The following SCYL2 variants were observed in gnomAD, a reference collection of about 807,000 sequenced individuals.
SCYL2 encodes the protein SCY1 like pseudokinase 2, also known as SCY1-like protein 2.
SCYL2 carries 36 observed loss-of-function variants against 100.4 expected under a neutral mutation model. That is an observed-to-expected ratio of 0.36 (90% confidence interval 0.27 to 0.47). The LOEUF (loss-of-function observed/expected upper bound fraction) is 0.47. Ranked by LOEUF, SCYL2 falls within the 20% of genes least tolerant of loss-of-function variation. The pLI is 1.00. For missense variants in SCYL2, 902 were observed against 1,083.9 expected, an observed-to-expected ratio of 0.83 and a Z score of 2.36; for synonymous variants, 330 against 359.2, an observed-to-expected ratio of 0.92 and a Z score of 0.92.
chr12:100,293,726 G>A (rs1424793387), intron 3 of SCYL2, among the ~76,000 whole-genome samples: 1 of 151,926 alleles, frequency 6.6e-6, no homozygotes, highest in African/African-American at 2.4e-5. Flanking sequence ...GAGTGGTGAC[G>A]ACTCTTAACG....
Position 100,312,590 on chromosome 12 carries a change from G to A in SCYL2, c.789G>A (p.Gly263=), listed in dbSNP as rs369802443. 107 of 1,612,338 alleles carry A rather than the reference G, an allele frequency of 6.6e-5. No individual in the cohort carries two copies. Among genetic ancestry groups the A allele is most frequent in the Admixed American group, 2.0e-4 (12 of 59,952 alleles). The change falls in exon 6 of 18, where the codon GGG becomes GGA. Residue 263 remains glycine, a synonymous_variant. Coordinates refer to ENST00000360820, the MANE Select transcript of SCYL2 (RefSeq NM_017988.6). ...GTVMYAVFNK[G]KPIFEVNKQD... is the part of the protein sequence containing the mutation. The stretch of plus-strand genomic sequence containing the variant: ...TTATGTATGCTGTATTTAATAAAGG[G>A]AAACCTATATTTGAAGTCAACAAGC...
chr12:100,326,758 G>C lies in SCYL2; in HGVS notation c.1642+4G>C. The C allele has an allele frequency of 5.6e-6, 9 of 1,602,438 alleles. No homozygotes were observed. The highest frequency in any genetic ancestry group is 7.6e-6 in the Non-Finnish European group (9 of 1,176,946). ...GCGGTCCTCATGGGAATTTTAGGTA[G>C]CTGAAAATTTAATGTCATTTGATGC... On this transcript the variant is annotated splice_donor_region_variant and intron_variant, in intron 12 of 17. Transcript: ENST00000360820.
intron 10 of SCYL2, among the ~76,000 whole-genome samples, chr12:100,322,159 T>G (rs2096356604): frequency 6.7e-6 from 1 of 148,686 alleles, no homozygotes; most frequent in South Asian, 2.1e-4. Context: ...GATCACGAGG[T>G]CAGGAGATCG....
intron 4 of SCYL2, among the ~76,000 whole-genome samples, chr12:100,305,663 G>A (rs1320057933): frequency 2.7e-5 from 4 of 146,664 alleles, no homozygotes; most frequent in Non-Finnish European, 6.0e-5. Context: ...CAGAACCAAA[G>A]GAGATAGAGA....
At chr12:100,278,630 CTTT>C (rs66782127) in intron 1 of SCYL2, among the ~76,000 whole-genome samples, 12 of 120,478 alleles carry the variant, frequency 1.0e-4, no homozygotes, top group East Asian at 2.4e-4. Context: ...TGGGGAAATT[CTTT>C]TTTTTTTTTT....
chr12:100,322,882 G>C (rs756135407), intron 10 of SCYL2, among the ~76,000 whole-genome samples: 6 of 149,638 alleles, frequency 4.0e-5, no homozygotes, highest in Non-Finnish European at 8.9e-5. Context: ...AAAAAAATTA[G>C]CTGGGCATGA....
chr12:100,314,474 T>C lies in SCYL2; in HGVS notation c.970-15T>C. 6.4e-7 allele frequency: 1 copy of C among 1,559,506 alleles called. No homozygotes were observed. ...TTTAACATTTATCAAAATACTTTATTTCCATTTTTTTTAGATTCCCTTCTT... is the reference window on the plus strand; with the variant it reads ...TTTAACATTTATCAAAATACTTTATCTCCATTTTTTTTAGATTCCCTTCTT... On this transcript the variant is annotated splice_polypyrimidine_tract_variant and intron_variant, in intron 7 of 17. Coordinates refer to ENST00000360820, the MANE Select transcript of SCYL2 (RefSeq NM_017988.6).
At chr12:100,291,441 T>C in intron 2 of SCYL2, 62 bp from the exon 3 acceptor site, 1 of 1,110,370 alleles carries the variant, frequency 9.0e-7, no homozygotes, top group South Asian at 1.7e-5. Flanking sequence ...GATTGTGACA[T>C]TCATATAATT....
chr12:100,313,612 T>A (rs2135903785), intron 7 of SCYL2, 74 bp downstream of exon 7: 4 of 781,728 alleles, frequency 5.1e-6, no homozygotes, highest in South Asian at 1.6e-5. Context: ...TTTTGGGTTT[T>A]AAAAAAATAT....
At chr12:100,286,833 CTT>C (rs1424616229) in intron 2 of SCYL2, among the ~76,000 whole-genome samples, 3 of 151,506 alleles carry the variant, frequency 2.0e-5, no homozygotes, top group Non-Finnish European at 4.4e-5. Flanking sequence ...ATAAAGGAAA[CTT>C]TTATGTGAAG....
intron 13 of SCYL2, among the ~76,000 whole-genome samples, chr12:100,332,407 C>G (rs917003330): frequency 1.2e-4 from 18 of 152,128 alleles, no homozygotes; most frequent in African/African-American, 4.3e-4. Context: ...CAGACATCAG[C>G]TAAAGGCCAA....
chr12:100,336,041 T>G, intron 16 of SCYL2, 135 bp downstream of exon 16: 1 of 681,606 alleles, frequency 1.5e-6, no homozygotes, highest in South Asian at 2.0e-5. Context: ...GAAATTCCTT[T>G]ATCAGTTAAA....
intron 16 of SCYL2, 59 bp downstream of exon 16, chr12:100,335,965 AC>A: frequency 8.0e-7 from 1 of 1,254,450 alleles, no homozygotes; most frequent in Non-Finnish European, 1.2e-6. Context: ...CTTCCTGTAA[AC>A]CACAGATTTT....
intron 10 of SCYL2, among the ~76,000 whole-genome samples, chr12:100,323,069 T>C (rs2096357940): frequency 6.6e-6 from 1 of 151,892 alleles, no homozygotes; most frequent in South Asian, 2.1e-4. Context: ...CCTTTCGGTA[T>C]GTTGTTTTAA....
At chr12:100,278,692 T>C (rs12313613) in intron 1 of SCYL2, among the ~76,000 whole-genome samples, 33,303 of 148,658 alleles carry the variant, frequency 0.22, 4,198 homozygotes, top group African/African-American at 0.33. Flanking sequence ...TGCAGTGGCG[T>C]GATCTCGGCT....
At chr12:100,289,412 A>G (rs896777202) in intron 2 of SCYL2, among the ~76,000 whole-genome samples, 1 of 152,226 alleles carries the variant, frequency 6.6e-6, no homozygotes, top group Non-Finnish European at 1.5e-5. Context: ...CTTCTCCACA[A>G]CATCCTCATT....
chr12:100,273,322 A>G (rs572492743), intron 1 of SCYL2, among the ~76,000 whole-genome samples: 1 of 152,248 alleles, frequency 6.6e-6, no homozygotes, highest in Non-Finnish European at 1.5e-5. Context: ...GTTTTTGGGA[A>G]ACATTCTATT....
At chr12:100,303,922 CTG>C (rs923197428) in intron 4 of SCYL2, among the ~76,000 whole-genome samples, 1 of 152,208 alleles carries the variant, frequency 6.6e-6, no homozygotes, top group African/African-American at 2.4e-5. Flanking sequence ...AAACCCCTGA[CTG>C]GGGCTGCTGC....
At chr12:100,320,972 A>G (rs2096355158) in intron 10 of SCYL2, among the ~76,000 whole-genome samples, 1 of 152,268 alleles carries the variant, frequency 6.6e-6, no homozygotes, top group South Asian at 2.1e-4. Context: ...GCAGTGGCCC[A>G]GGCTTGAGTG....
Sources: gnomAD v4.1 joint callset for allele counts (sites outside exome capture counted in the v4.1 genomes callset) on GRCh38, gnomAD v4.1.1 for gene constraint, MANE v1.5 for transcripts, NCBI Gene and HGNC (gene_info 2026-07-23, HGNC 2026-07-21) for gene names.